ITGA6: variants seen among roughly 807,000 people sequenced by gnomAD.
The protein encoded by ITGA6 is integrin alpha-6.
In ITGA6, 63 loss-of-function variants were observed where a neutral mutation model predicts 133.6. The ratio of observed to expected loss-of-function variants is 0.47; its 90% confidence interval spans 0.38 to 0.58. ITGA6 has a LOEUF of 0.58. ITGA6 is among the 20% of genes least tolerant of loss of function. The pLI is 0.00. For missense variants in ITGA6, 1,068 were observed against 1,309.4 expected, an observed-to-expected ratio of 0.82 and a Z score of 2.85; for synonymous variants, 434 against 482.0, an observed-to-expected ratio of 0.90 and a Z score of 1.30.
At position 172,457,295 on chromosome 2, in the gene ITGA6, CAAAAAAAAAA is replaced by C. The variant is rs71403305; in HGVS notation, c.183-8233_183-8224del. On this transcript the variant is annotated intron_variant, in intron 1 of 25. Coordinates refer to ENST00000684293, the MANE Select transcript of ITGA6 (RefSeq NM_000210.4). ...GGGTGACAGAGCGAGATTCTGTCTC[CAAAAAAAAAA>C]AAAAAAAAAAGAAGCAAAGAAATTT... Among the ~76,000 whole-genome samples, 13 of 79,320 alleles carry C rather than the reference CAAAAAAAAAA, an allele frequency of 1.6e-4. No individual in the cohort carries two copies. In the Admixed American group the frequency reaches 1.9e-3, roughly 12 times the overall value. The allele number at this position is 79,320 out of a possible 152,430, so 52.0% of individuals were successfully genotyped here. A position where few individuals can be genotyped will look rare whatever the true frequency, so the allele number is the denominator to read the frequency against.
intron 1 of ITGA6, among the ~76,000 whole-genome samples, chr2:172,452,235 G>A (rs1256703728): frequency 1.3e-5 from 2 of 152,302 alleles, no homozygotes; most frequent in East Asian, 3.9e-4. Context: ...CATGCGACCT[G>A]TGAGGCTCCC....
intron 1 of ITGA6, among the ~76,000 whole-genome samples, chr2:172,452,645 G>A (rs7565670): frequency 0.2 from 29,774 of 152,132 alleles, 3,051 homozygotes; most frequent in African/African-American, 0.22. Flanking sequence ...ATTCAAAATT[G>A]CTAGTGCTGT....
At chr2:172,435,056 GTGTA>G (rs768074854) in intron 1 of ITGA6, among the ~76,000 whole-genome samples, 40 of 149,858 alleles carry the variant, frequency 2.7e-4, no homozygotes, top group South Asian at 1.5e-3. Flanking sequence ...GTGTGTGTGT[GTGTA>G]TGATGCAAAT....
At chr2:172,470,945 T>C (rs753328106) in intron 4 of ITGA6, 29 bp from the exon 5 acceptor site, 1 of 1,611,004 alleles carries the variant, frequency 6.2e-7, no homozygotes, top group Middle Eastern at 1.7e-4. Context: ...CTTCATTTTT[T>C]TGTTGTTTTT....
chr2:172,479,793 A>C, intron 10 of ITGA6, 54 bp downstream of exon 10: 1 of 1,468,910 alleles, frequency 6.8e-7, no homozygotes, highest in Non-Finnish European at 9.5e-7. Context: ...CCTCCACTTC[A>C]TGATGACTCT....
intron 1 of ITGA6, among the ~76,000 whole-genome samples, chr2:172,462,649 G>A (rs912716664): frequency 3.9e-5 from 6 of 152,174 alleles, no homozygotes; most frequent in African/African-American, 1.4e-4. Flanking sequence ...ACACGTATTA[G>A]TTACAGAGAG....
At chr2:172,498,799 G>C (rs948070895) in intron 24 of ITGA6, among the ~76,000 whole-genome samples, 2 of 152,186 alleles carry the variant, frequency 1.3e-5, no homozygotes, top group Non-Finnish European at 2.9e-5. Flanking sequence ...GTGAGTGATA[G>C]AGGCTTACAG....
intron 1 of ITGA6, among the ~76,000 whole-genome samples, chr2:172,438,387 G>T (rs576859051): frequency 6.6e-6 from 1 of 151,810 alleles, no homozygotes; most frequent in South Asian, 2.1e-4. Flanking sequence ...TGGTGGAAGG[G>T]CATGGGGTTT....
chr2:172,446,889 T>C (rs1000572576), intron 1 of ITGA6, among the ~76,000 whole-genome samples: 1 of 152,186 alleles, frequency 6.6e-6, no homozygotes, highest in Non-Finnish European at 1.5e-5. Flanking sequence ...ACTTTTCACC[T>C]AATTTAATTT....
chr2:172,452,178 C>A (rs1461648659), intron 1 of ITGA6, among the ~76,000 whole-genome samples: 1 of 152,136 alleles, frequency 6.6e-6, no homozygotes, highest in Non-Finnish European at 1.5e-5. Flanking sequence ...ATAGGTGGTT[C>A]ATTGCTTTGA....
At chr2:172,465,010 A>T (rs1436450587) in intron 1 of ITGA6, 1 of 165,554 alleles carries the variant, frequency 6.0e-6, no homozygotes, top group African/African-American at 2.4e-5. Context: ...GTTGTATCTT[A>T]CTTACCATTA....
At chr2:172,437,696 T>C (rs1356560305) in intron 1 of ITGA6, among the ~76,000 whole-genome samples, 1 of 152,180 alleles carries the variant, frequency 6.6e-6, no homozygotes, top group African/African-American at 2.4e-5. Context: ...TGATTGGTGA[T>C]GCAAGTAGAG....
chr2:172,464,740 T>C (rs1461653955), intron 1 of ITGA6, among the ~76,000 whole-genome samples: 1 of 152,182 alleles, frequency 6.6e-6, no homozygotes, highest in Non-Finnish European at 1.5e-5. Context: ...AGAAGGAATA[T>C]TACAGTGCCT....
chr2:172,445,356 A>AC (rs200092160), intron 1 of ITGA6, among the ~76,000 whole-genome samples: 4 of 140,362 alleles, frequency 2.8e-5, no homozygotes, highest in Admixed American at 7.0e-5. Flanking sequence ...TTTTTTAACA[A>AC]AAAAAAAAAA....
chr2:172,502,150 G>A (rs1687375278), intron 25 of ITGA6, among the ~76,000 whole-genome samples: 1 of 152,106 alleles, frequency 6.6e-6, no homozygotes, highest in Non-Finnish European at 1.5e-5. Flanking sequence ...CCACAGCAAT[G>A]AAGAAAATTT....
chr2:172,441,560 A>T (rs999793428), intron 1 of ITGA6, among the ~76,000 whole-genome samples: 76 of 18,454 alleles, frequency 4.1e-3, no homozygotes, highest in African/African-American at 0.022. Flanking sequence ...CTGTCTCTTT[A>T]AAAAAAAAAA....
rs368851699 is a variant in ITGA6, at chr2:172,498,061, G to A, written c.3075G>A (p.Gly1025=). The change falls in exon 24 of 26, where the codon GGG becomes GGA. Residue 1025 remains glycine (G), a synonymous_variant. Transcript: ENST00000684293. The part of the protein sequence containing the change: ...WWIILVAILA[G]ILMLALLVFI... ...TCATCCTAGTGGCTATTCTCGCTGG[G>A]ATCTTGATGCTTGCTTTATTAGTGT... is the stretch of plus-strand genomic sequence containing the variant. The A allele has an allele frequency of 2.8e-4, 450 of 1,613,732 alleles. No individual in the cohort carries two copies. Among genetic ancestry groups the A allele is most frequent in the Non-Finnish European group, 3.2e-4 (383 of 1,179,802 alleles).
At chr2:172,464,159 CTCTG>C (rs1685547930) in intron 1 of ITGA6, 2 of 152,442 alleles carry the variant, frequency 1.3e-5, no homozygotes, top group Middle Eastern at 3.4e-3. Context: ...ACCCCTCCTT[CTCTG>C]TCTGGGCATC....
chr2:172,501,724 C>T (rs374955951), intron 24 of ITGA6, 48 bp from the exon 25 acceptor site: 152 of 1,597,558 alleles, frequency 9.5e-5, no homozygotes, highest in Non-Finnish European at 1.1e-4. Context: ...TTGTTTGGCT[C>T]TTATACACAA....
Sources: allele counts gnomAD v4.1 joint callset (sites outside exome capture counted in the v4.1 genomes callset), GRCh38; gene constraint gnomAD v4.1.1; transcripts MANE v1.5; gene names NCBI Gene and HGNC (gene_info 2026-07-23, HGNC 2026-07-21).